Variants in STK33 observed in about 807,000 individuals in gnomAD.
STK33 encodes serine/threonine kinase 33.
In STK33, 52 loss-of-function variants were observed where a neutral mutation model predicts 58.0. The ratio of observed to expected loss-of-function variants is 0.90; its 90% CI spans 0.72 to 1.13. The LOEUF (loss-of-function observed/expected upper bound fraction) is 1.13, where lower values mean the gene tolerates loss of function less well. Ranked by LOEUF, STK33 falls within the 50% of genes most tolerant of loss-of-function variation. STK33 has a pLI of 0.00. For missense variants in STK33, 630 were observed against 604.2 expected (o/e 1.04, Z -0.45); for synonymous variants, 215 against 200.1 (o/e 1.07, Z -0.63).
At chr11:8,493,098 A>T (rs549901467) in intron 1 of STK33, among the ~76,000 whole-genome samples, 8 of 152,342 alleles carry the variant, frequency 5.3e-5, no homozygotes, top group Non-Finnish European at 1.0e-4. Context: ...AACTAAGATC[A>T]GAGCAGAACT....
chr11:8,472,640 C>T (rs1948888429), intron 6 of STK33, among the ~76,000 whole-genome samples: 1 of 152,112 alleles, frequency 6.6e-6, no homozygotes, highest in Admixed American at 6.5e-5. Flanking sequence ...GTTCTTATTG[C>T]AGTTTCTTTA....
intron 1 of STK33, among the ~76,000 whole-genome samples, chr11:8,505,313 T>C (rs931860422): frequency 6.6e-5 from 10 of 152,248 alleles, no homozygotes; most frequent in Admixed American, 5.9e-4. Context: ...TTCATAGATT[T>C]ATTGAATGTT....
At chr11:8,561,537 T>C (rs1957111597) in intron 1 of STK33, among the ~76,000 whole-genome samples, 1 of 152,196 alleles carries the variant, frequency 6.6e-6, no homozygotes, top group South Asian at 2.1e-4. Flanking sequence ...TCAGTTCTTT[T>C]AGAATTCTGT....
chr11:8,513,415 A>C, intron 1 of STK33, among the ~76,000 whole-genome samples: 1 of 152,176 alleles, frequency 6.6e-6, no homozygotes, highest in South Asian at 2.1e-4. Context: ...TTTGCAGTGT[A>C]AATAAGGCAC....
chr11:8,507,110 C>T (rs146979186), intron 1 of STK33, among the ~76,000 whole-genome samples: 267 of 152,178 alleles, frequency 1.8e-3, no homozygotes, highest in African/African-American at 6.1e-3. Context: ...CCAGATTTAC[C>T]TAATTTCAGG....
At chr11:8,453,204 A>C (rs1284708426) in intron 10 of STK33, among the ~76,000 whole-genome samples, 1 of 152,172 alleles carries the variant, frequency 6.6e-6, no homozygotes, top group Non-Finnish European at 1.5e-5. Flanking sequence ...ATTTTGAGGC[A>C]TTTAATCTTT....
chr11:8,534,189 C>T (rs1164496982), intron 1 of STK33, among the ~76,000 whole-genome samples: 11 of 151,876 alleles, frequency 7.2e-5, no homozygotes, highest in African/African-American at 2.2e-4. Context: ...GCAGGAGAAT[C>T]GCTTGAACCC....
the STK33 span, among the ~76,000 whole-genome samples, chr11:8,361,109 G>A: frequency 6.6e-6 from 1 of 152,136 alleles, no homozygotes. The surrounding 1 kb of genome is among the most constrained non-coding windows in gnomAD (Gnocchi z 4.8). Flanking sequence ...AGAGGGGAGC[G>A]AAAGGTTAGT....
chr11:8,343,743 C>T, the STK33 span, among the ~76,000 whole-genome samples: 1 of 152,182 alleles, frequency 6.6e-6, no homozygotes, highest in East Asian at 1.9e-4. Context: ...CTGCCCCAGA[C>T]TGATTGTTCC....
the STK33 span, among the ~76,000 whole-genome samples, chr11:8,380,375 C>T: frequency 4.3e-4 from 66 of 152,094 alleles, no homozygotes; most frequent in Non-Finnish European, 7.9e-4. Context: ...GCCTGGCCAA[C>T]ATGGTGAAAC....
At chr11:8,549,428 GTT>G (rs1442400473) in intron 1 of STK33, among the ~76,000 whole-genome samples, 4 of 151,632 alleles carry the variant, frequency 2.6e-5, no homozygotes, top group South Asian at 2.1e-4. Context: ...TTGGCCTGTA[GTT>G]TTCTGTTTTT....
At chr11:8,541,463 A>G (rs1301104305) in intron 1 of STK33, among the ~76,000 whole-genome samples, 1 of 152,206 alleles carries the variant, frequency 6.6e-6, no homozygotes, top group Admixed American at 6.5e-5. Context: ...AGAACTTAAC[A>G]ACCACTCCTA....
At chr11:8,420,610 TATCACCTGAGGTGACTGCTATCCAGA>T (rs1468858987) in intron 14 of STK33, among the ~76,000 whole-genome samples, 1 of 152,244 alleles carries the variant, frequency 6.6e-6, no homozygotes, top group African/African-American at 2.4e-5. Context: ...TCCTGCCTTC[TATCACCTGAGGTGACTGCTATCCAGA>T]ATCTTGTGAT....
intron 6 of STK33, 63 bp from the exon 7 acceptor site, chr11:8,464,885 T>C (rs995598556): frequency 8.5e-6 from 9 of 1,054,646 alleles, no homozygotes; most frequent in Middle Eastern, 2.2e-4. Context: ...AAAATGAACA[T>C]ATAATACTGA....
intron 15 of STK33, among the ~76,000 whole-genome samples, chr11:8,409,498 A>G (rs1032079592): frequency 6.6e-6 from 1 of 152,214 alleles, no homozygotes; most frequent in Non-Finnish European, 1.5e-5. Context: ...GGAGAACTGC[A>G]AAGTCACATG....
intron 11 of STK33, among the ~76,000 whole-genome samples, chr11:8,447,101 G>T (rs1025498782): frequency 2.2e-4 from 33 of 152,020 alleles, no homozygotes; most frequent in African/African-American, 8.0e-4. Flanking sequence ...GAATTTACAG[G>T]GAACTTAAAC....
intron 1 of STK33, among the ~76,000 whole-genome samples, chr11:8,541,318 T>C (rs1212786529): frequency 6.6e-6 from 1 of 152,176 alleles, no homozygotes; most frequent in East Asian, 1.9e-4. Context: ...CGTGATTCAG[T>C]ACTATAATAC....
chr11:8,427,290 C>T (rs764340141), intron 14 of STK33, among the ~76,000 whole-genome samples: 4 of 152,132 alleles, frequency 2.6e-5, no homozygotes, highest in Non-Finnish European at 1.5e-5. Context: ...TAACATATTA[C>T]TCCAGTTATT....
At chr11:8,490,968 A>T (rs1950566773) in intron 1 of STK33, among the ~76,000 whole-genome samples, 1 of 152,206 alleles carries the variant, frequency 6.6e-6, no homozygotes, top group African/African-American at 2.4e-5. Context: ...GGTAGATAAA[A>T]ACCACAAAGA....
Sources: allele counts gnomAD v4.1 joint callset (sites outside exome capture counted in the v4.1 genomes callset), GRCh38; gene constraint gnomAD v4.1.1; non-coding constraint Gnocchi (gnomAD v3.1); transcripts MANE v1.5; gene names NCBI Gene and HGNC (gene_info 2026-07-23, HGNC 2026-07-21).